The following SLC17A8 variants were observed in gnomAD, a reference collection of about 807,000 sequenced individuals.
SLC17A8 encodes the protein solute carrier family 17 member 8.
Under a neutral mutation model 58.0 loss-of-function variants are expected in SLC17A8, and 31 were observed. The observed-to-expected ratio is 0.53, with a 90% CI of 0.40 to 0.72. The LOEUF (loss-of-function observed/expected upper bound fraction) is 0.72, where lower values mean the gene tolerates loss of function less well. SLC17A8 is among the 30% of genes least tolerant of loss of function. SLC17A8 has a pLI of 0.00. For synonymous variants in SLC17A8, 228 were observed against 249.0 expected (o/e 0.92, Z 0.79); for missense variants, 655 against 727.8 (o/e 0.90, Z 1.15).
intron 1 of SLC17A8, among the ~76,000 whole-genome samples, chr12:100,364,754 T>C (rs1216521677): frequency 6.6e-6 from 1 of 152,200 alleles, no homozygotes; most frequent in Non-Finnish European, 1.5e-5. Flanking sequence ...GTGAGGTCAT[T>C]CACCACTGCC....
At position 100,396,476 on chromosome 12, in the gene SLC17A8, A is replaced by G. The variant is rs1033519626; in HGVS notation, c.676+59A>G. The G allele has an allele frequency of 3.7e-6, 5 of 1,366,974 alleles. No homozygotes were observed. In the African/African-American group the frequency reaches 7.2e-5, roughly 20 times the overall value. 84.7% of individuals were successfully genotyped at this position (1,366,974 alleles called of 1,614,324 possible). On this transcript the variant is annotated intron_variant, in intron 5 of 11. Transcript: ENST00000323346. Reference sequence around the variant, plus strand: ...ATGAATGCTTTTTTTGGGTTCATGCAGTGGCTCACGCCTGTAATCTCAGCA... The same window carrying G: ...ATGAATGCTTTTTTTGGGTTCATGCGGTGGCTCACGCCTGTAATCTCAGCA...
rs367874721 is a variant in SLC17A8 at position 100,389,009 on chromosome 12, C to A, written c.355-1992C>A. ...TGTGTTGGTGCCATGGCTGTGGGACCAAAGGTCTGTAAGACAAGCCCAAGA... is the reference window on the plus strand; with the variant it reads ...TGTGTTGGTGCCATGGCTGTGGGACAAAAGGTCTGTAAGACAAGCCCAAGA... On this transcript the variant is annotated intron_variant, in intron 2 of 11. Transcript: ENST00000323346. Among the ~76,000 whole-genome samples, 118 of 152,186 alleles carry A rather than the reference C, an allele frequency of 7.8e-4. No homozygotes were observed. The South Asian group carries it at 0.023, about 30-fold the overall frequency.
Position 100,391,029 on chromosome 12 carries a change from C to T in SLC17A8, c.383C>T (p.Thr128Ile). 6.2e-7 allele frequency: 1 copy of T among 1,613,424 alleles called. No individual in the cohort carries two copies. The highest frequency in any genetic ancestry group is 8.5e-7 in the Non-Finnish European group (1 of 1,179,392). ...QTAQFNWDPE[T>I]VGLIHGSFFW... Reference sequence around the variant, plus strand: ...GCACAGTTTAACTGGGATCCAGAAACAGTGGGCCTTATCCATGGATCTTTT... The same window carrying T: ...GCACAGTTTAACTGGGATCCAGAAATAGTGGGCCTTATCCATGGATCTTTT... The change falls in exon 3 of 12, where the codon ACA becomes ATA. Residue 128 changes from threonine to isoleucine, a missense_variant. Physicochemically the swap from Thr to Ile is moderately conservative, Grantham distance 89. Coordinates refer to ENST00000323346, the MANE Select transcript of SLC17A8 (RefSeq NM_139319.3).
chr12:100,385,123 T>C (rs976615531), intron 2 of SLC17A8, among the ~76,000 whole-genome samples: 3 of 151,172 alleles, frequency 2.0e-5, no homozygotes, highest in Non-Finnish European at 2.9e-5. Flanking sequence ...TCTCTGTGTG[T>C]GTGTGTGTGT....
intron 9 of SLC17A8, 40 bp from the exon 10 acceptor site, chr12:100,412,730 T>C (rs372032494): frequency 9.1e-5 from 125 of 1,368,322 alleles, no homozygotes; most frequent in Non-Finnish European, 1.2e-4. Flanking sequence ...TTGACCGATA[T>C]GAAAATGACA....
intron 2 of SLC17A8, among the ~76,000 whole-genome samples, chr12:100,390,162 G>A (rs1413641806): frequency 6.6e-6 from 1 of 151,616 alleles, no homozygotes; most frequent in Non-Finnish European, 1.5e-5. Flanking sequence ...ATGGGGTCTC[G>A]CCACGTTGCC....
intron 1 of SLC17A8, among the ~76,000 whole-genome samples, chr12:100,360,550 T>G (rs2135966437): frequency 6.6e-6 from 1 of 152,286 alleles, no homozygotes. Context: ...TACTGCCTCC[T>G]TGGCCTCCCA....
intron 1 of SLC17A8, among the ~76,000 whole-genome samples, chr12:100,365,516 T>A (rs565510765): frequency 0.012 from 1,833 of 152,312 alleles, 37 homozygotes; most frequent in African/African-American, 0.042. Context: ...GCCTTTTATG[T>A]CATGGAATAA....
chr12:100,402,634 G>A lies in SLC17A8; in HGVS notation c.942G>A (p.Leu314=), dbSNP rs759618117. 1.2e-6 allele frequency: 2 copies of A among 1,613,896 alleles called. No homozygotes were observed. The highest frequency in any genetic ancestry group is 2.2e-5 in the South Asian group (2 of 91,022). The stretch of plus-strand genomic sequence containing the variant: ...CATGGAAAAGATTTTTCACATCTTT[G>A]CCGGTTTATGCAATCATTGTGGCAA... ...STPWKRFFTS[L]PVYAIIVANF... The change falls in exon 8 of 12, where the codon TTG becomes TTA. Residue 314 remains leucine, a synonymous_variant. Coordinates refer to ENST00000323346, the MANE Select transcript of SLC17A8 (RefSeq NM_139319.3).
chr12:100,396,175 T>C (rs917560286), intron 4 of SLC17A8, among the ~76,000 whole-genome samples, 155 bp from the exon 5 acceptor site: 4 of 151,956 alleles, frequency 2.6e-5, no homozygotes, highest in African/African-American at 7.2e-5. Context: ...GGTTTTAACA[T>C]AGGAATTTGG....
chr12:100,408,662 A>T (rs978887707), intron 9 of SLC17A8, among the ~76,000 whole-genome samples: 1 of 152,104 alleles, frequency 6.6e-6, no homozygotes, highest in South Asian at 2.1e-4. Flanking sequence ...TTTTTTTCTT[A>T]CAGATGAACT....
At chr12:100,362,821 G>T (rs893911874) in intron 1 of SLC17A8, among the ~76,000 whole-genome samples, 5 of 151,996 alleles carry the variant, frequency 3.3e-5, no homozygotes, top group African/African-American at 1.2e-4. Context: ...ACCCCTTTTT[G>T]ATTTCCCTCA....
chr12:100,394,511 C>A (rs1344606647), intron 4 of SLC17A8, among the ~76,000 whole-genome samples: 2 of 149,572 alleles, frequency 1.3e-5, no homozygotes, highest in African/African-American at 4.9e-5. Flanking sequence ...AAGCGATTCT[C>A]CTGCCTCAGC....
At chr12:100,392,001 T>C (rs1273291156) in intron 3 of SLC17A8, among the ~76,000 whole-genome samples, 2 of 152,140 alleles carry the variant, frequency 1.3e-5, no homozygotes. Context: ...CAGAGTGAGC[T>C]GTCTCAAGAA....
intron 10 of SLC17A8, 109 bp downstream of exon 10, chr12:100,412,989 CAG>C: frequency 1.1e-6 from 1 of 871,336 alleles, no homozygotes; most frequent in South Asian, 1.3e-5. Flanking sequence ...AGTCCATTCT[CAG>C]AGAGCAGGAC....
intron 2 of SLC17A8, among the ~76,000 whole-genome samples, chr12:100,382,163 G>A (rs1952642483): frequency 6.6e-6 from 1 of 152,194 alleles, no homozygotes; most frequent in Non-Finnish European, 1.5e-5. Context: ...AAGTAAATAG[G>A]GGGCTGATCA....
intron 2 of SLC17A8, among the ~76,000 whole-genome samples, chr12:100,384,205 G>T (rs1952657185): frequency 6.6e-6 from 1 of 152,156 alleles, no homozygotes; most frequent in African/African-American, 2.4e-5. Context: ...GGCCAGACCT[G>T]GTTTTAATGA....
chr12:100,382,618 A>G (rs1463394987), intron 2 of SLC17A8, among the ~76,000 whole-genome samples: 1 of 152,186 alleles, frequency 6.6e-6, no homozygotes, highest in Non-Finnish European at 1.5e-5. Flanking sequence ...TTTTTGAACT[A>G]GTGTCTGGGA....
At chr12:100,376,451 C>T (rs1952595286) in intron 1 of SLC17A8, among the ~76,000 whole-genome samples, 1 of 152,180 alleles carries the variant, frequency 6.6e-6, no homozygotes, top group Non-Finnish European at 1.5e-5. Flanking sequence ...GGAGCATGGC[C>T]TGGTGTGCTG....
Sources: allele counts gnomAD v4.1 joint callset (sites outside exome capture counted in the v4.1 genomes callset), GRCh38; gene constraint gnomAD v4.1.1; transcripts MANE v1.5; gene names NCBI Gene and HGNC (gene_info 2026-07-23, HGNC 2026-07-21).